Variants in TEX2 observed in about 807,000 individuals in gnomAD.
TEX2 encodes the protein testis expressed 2, also known as testis-expressed protein 2.
TEX2 carries 53 observed loss-of-function variants against 106.9 expected under a neutral mutation model. That is an observed-to-expected ratio of 0.50 (90% CI 0.40 to 0.62). The LOEUF is 0.62. TEX2 is among the 20% of genes least tolerant of loss of function. TEX2 has a pLI of 0.00. For synonymous variants in TEX2, 523 were observed against 534.8 expected, an observed-to-expected ratio of 0.98 and a Z score of 0.30; for missense variants, 1,207 against 1,379.0, an observed-to-expected ratio of 0.88 and a Z score of 1.98.
intron 4 of TEX2, among the ~76,000 whole-genome samples, chr17:64,189,497 T>C (rs2032214692): frequency 6.6e-6 from 1 of 152,026 alleles, no homozygotes; most frequent in Non-Finnish European, 1.5e-5. Context: ...GTTCTAAGCA[T>C]AGTACGGGGG....
In TEX2 at chr17:64,177,283, G is replaced by A. The variant is rs752502300; in HGVS notation, c.2571+42C>T. On this transcript the variant is annotated intron_variant, in intron 6 of 11. Transcript: ENST00000584379. ...AGGGTACAAAATTTCCAGAAATGAA[G>A]AAGTATAGAGGATTAGAAGCCTCTT... 3.1e-6 allele frequency: 5 copies of A among 1,602,634 alleles called. No individual in the cohort carries two copies. In the South Asian group the frequency reaches 3.4e-5, roughly 11 times the overall value.
chr17:64,218,405 CTTTTTT>C (rs10526886), intron 1 of TEX2, among the ~76,000 whole-genome samples: 3 of 120,632 alleles, frequency 2.5e-5, no homozygotes, highest in East Asian at 4.4e-4. Context: ...GACACTTTCA[CTTTTTT>C]TTTTTTTTTT....
intron 7 of TEX2, among the ~76,000 whole-genome samples, chr17:64,170,825 G>T (rs1171887517): frequency 6.6e-6 from 1 of 151,980 alleles, no homozygotes; most frequent in Non-Finnish European, 1.5e-5. Context: ...AGTAGAGACG[G>T]TGTTTTGCCA....
chr17:64,235,300 T>C (rs1362900726), intron 1 of TEX2, among the ~76,000 whole-genome samples: 1 of 152,250 alleles, frequency 6.6e-6, no homozygotes, highest in African/African-American at 2.4e-5. Flanking sequence ...GGCCATCCTC[T>C]TAACCACTGT....
chr17:64,154,721 C>A, intron 9 of TEX2, 121 bp downstream of exon 9: 3 of 1,237,822 alleles, frequency 2.4e-6, no homozygotes, highest in Non-Finnish European at 1.1e-6. Flanking sequence ...ATAAAAAAAC[C>A]ATCTACTCAA....
intron 7 of TEX2, among the ~76,000 whole-genome samples, chr17:64,168,220 C>T (rs1201264278): frequency 6.6e-6 from 1 of 152,134 alleles, no homozygotes; most frequent in Non-Finnish European, 1.5e-5. Flanking sequence ...CCGTAGAGCA[C>T]TGGAATCCAA....
chr17:64,211,317 T>A (rs1009017528), intron 2 of TEX2, among the ~76,000 whole-genome samples: 1 of 152,186 alleles, frequency 6.6e-6, no homozygotes, highest in Non-Finnish European at 1.5e-5. Flanking sequence ...TCTCAGAGCC[T>A]GAATCTCCTC....
intron 1 of TEX2, among the ~76,000 whole-genome samples, chr17:64,227,496 T>G (rs1360136312): frequency 6.6e-6 from 1 of 152,222 alleles, no homozygotes; most frequent in African/African-American, 2.4e-5. Context: ...AAAAAAATTA[T>G]ATGTAAACAC....
At chr17:64,228,998 T>C (rs1416313940) in intron 1 of TEX2, among the ~76,000 whole-genome samples, 2 of 151,556 alleles carry the variant, frequency 1.3e-5, no homozygotes, top group Non-Finnish European at 2.9e-5. Context: ...GGTATGCCAC[T>C]ATTAACTTAA....
rs1394296321 is a variant in TEX2 at position 64,161,039 on chromosome 17, C to T, written c.2672-106G>A. 3 of 1,233,724 alleles carry T rather than the reference C, an allele frequency of 2.4e-6. No homozygotes were observed. In the Admixed American group the frequency reaches 6.3e-5, roughly 26 times the overall value. 76.4% of individuals were successfully genotyped at this position (1,233,724 alleles called of 1,614,324 possible). A position where few individuals can be genotyped will look rare whatever the true frequency, so the allele number is the denominator to read the frequency against. On this transcript the variant is annotated intron_variant, in intron 7 of 11. Coordinates refer to ENST00000584379, the MANE Select transcript of TEX2 (RefSeq NM_001288732.2). ...CTAAATAGGCACCATACTGAAAGTC[C>T]ATGTATCGTCTACTACTCTAGTTGA... is the stretch of plus-strand genomic sequence containing the variant.
chr17:64,210,807 C>T (rs17563098), intron 2 of TEX2, among the ~76,000 whole-genome samples: 17,565 of 151,800 alleles, frequency 0.12, 1,385 homozygotes, highest in Middle Eastern at 0.23. Context: ...AAAATTGCTC[C>T]AGGGAAACGA....
intron 10 of TEX2, 134 bp from the exon 11 acceptor site, chr17:64,151,095 A>G: frequency 9.5e-7 from 1 of 1,051,694 alleles, no homozygotes; most frequent in Non-Finnish European, 1.4e-6. Context: ...AATGCCCTCT[A>G]AAAATATTCC....
intron 4 of TEX2, among the ~76,000 whole-genome samples, chr17:64,193,132 G>A (rs542743842): frequency 3.3e-5 from 5 of 152,312 alleles, no homozygotes; most frequent in African/African-American, 1.2e-4. Context: ...GATCTGACCT[G>A]AATGGTCAGG....
chr17:64,170,132 A>C (rs2031319450), intron 7 of TEX2, among the ~76,000 whole-genome samples: 1 of 152,068 alleles, frequency 6.6e-6, no homozygotes, highest in Non-Finnish European at 1.5e-5. Context: ...AATCTGATCA[A>C]CTCTTTAACC....
chr17:64,222,887 A>C (rs1382815855), intron 1 of TEX2, among the ~76,000 whole-genome samples: 1 of 152,124 alleles, frequency 6.6e-6, no homozygotes, highest in African/African-American at 2.4e-5. Flanking sequence ...CTTAGCCTTG[A>C]TCCGGTATGT....
chr17:64,220,764 T>G lies in TEX2; in HGVS notation c.-25-6522A>C, dbSNP rs191289785. On this transcript the variant is annotated intron_variant, in intron 1 of 11. Transcript: ENST00000584379. Reference sequence around the variant, plus strand: ...TTACACTGTTGGTGGGAATATAAATTAGTTCAACCATTGTGGAAGACAGTG... The same window carrying G: ...TTACACTGTTGGTGGGAATATAAATGAGTTCAACCATTGTGGAAGACAGTG... Among the ~76,000 whole-genome samples the G allele has an allele frequency of 4.0e-4, 61 of 152,246 alleles. 1 individual carries two copies. Among genetic ancestry groups the G allele is most frequent in the African/African-American group, 1.4e-3 (59 of 41,544 alleles).
chr17:64,192,298 A>G (rs1288568216), intron 4 of TEX2, among the ~76,000 whole-genome samples: 1 of 152,270 alleles, frequency 6.6e-6, no homozygotes, highest in Non-Finnish European at 1.5e-5. Context: ...AAGTCATACT[A>G]GAAACAGGGT....
At chr17:64,149,917 TAAAAAAAAAA>T (rs36022005) in intron 11 of TEX2, 1 of 124,216 alleles carries the variant, frequency 8.1e-6, no homozygotes, top group Non-Finnish European at 1.7e-5. Flanking sequence ...GACTCTGTCT[TAAAAAAAAAA>T]AAAAAAAAAA....
chr17:64,157,914 T>C (rs942020031), intron 8 of TEX2, among the ~76,000 whole-genome samples: 6 of 152,182 alleles, frequency 3.9e-5, no homozygotes, highest in African/African-American at 1.2e-4. Context: ...AAGTGCCTTA[T>C]AGGAAACACT....
Sources: gnomAD v4.1 joint callset for allele counts (sites outside exome capture counted in the v4.1 genomes callset) on GRCh38, gnomAD v4.1.1 for gene constraint, MANE v1.5 for transcripts, NCBI Gene and HGNC (gene_info 2026-07-23, HGNC 2026-07-21) for gene names.